The following NUP210 variants were observed in gnomAD, a reference collection of about 807,000 sequenced individuals.
NUP210 encodes nuclear pore membrane glycoprotein 210.
NUP210 carries 151 observed loss-of-function variants against 196.0 expected under a neutral mutation model. The observed-to-expected ratio is 0.77, with a 90% CI of 0.67 to 0.88. The LOEUF (loss-of-function observed/expected upper bound fraction) is 0.88, where lower values mean the gene tolerates loss of function less well. Ranked by LOEUF, NUP210 falls within the 40% of genes least tolerant of loss-of-function variation. The pLI, the probability that NUP210 is intolerant of heterozygous loss-of-function variation, is 0.00. For missense variants in NUP210, 2,314 were observed against 2,493.7 expected (o/e 0.93, Z 1.53); for synonymous variants, 1,070 against 1,052.7 (o/e 1.02, Z -0.32).
chr3:13,372,614 T>G (rs1698769985), intron 12 of NUP210, among the ~76,000 whole-genome samples: 1 of 152,168 alleles, frequency 6.6e-6, no homozygotes, highest in Admixed American at 6.5e-5. Context: ...GCTCATCAGA[T>G]GGACTGGTAG....
rs1559302402 is a variant in NUP210 at position 13,319,818 on chromosome 3, G to A, written c.5328C>T (p.Ala1776=). 1 of 1,614,238 alleles carries A rather than the reference G, an allele frequency of 6.2e-7. No individual in the cohort carries two copies. Among genetic ancestry groups the A allele is most frequent in the Middle Eastern group, 1.6e-4 (1 of 6,062 alleles). ...LTFSSPVTNQ[A]IAIPVTVAFV... ...AAGCCACTGTCACTGGGATGGCAAT[G>A]GCTTGGTTGGTCACGGGGCTGGAGA... Residue 1776 remains alanine, a synonymous_variant, in exon 37 of 40, where the codon GCC becomes GCT. Coordinates refer to ENST00000254508, the MANE Select transcript of NUP210 (RefSeq NM_024923.4).
In NUP210 at chr3:13,340,440, G is replaced by C; in HGVS notation, c.3229-142C>G. ...TCTGAGCAGTGACCAGAGGGCCCAG[G>C]GTCCTGGGCCAATGCTGGGGGCTGT... On this transcript the variant is annotated intron_variant, in intron 23 of 39. Transcript: ENST00000254508. This position sits in a 1 kb window ranked among gnomAD's most constrained non-coding sequence, Gnocchi z 4.0. 2 of 725,008 alleles carry C rather than the reference G, an allele frequency of 2.8e-6. No homozygotes were observed. Among genetic ancestry groups the C allele is most frequent in the Middle Eastern group, 2.4e-4 (1 of 4,204 alleles). The allele number at this position is 725,008 out of a possible 1,614,324, so 44.9% of individuals were successfully genotyped here.
Position 13,371,904 on chromosome 3 carries a change from G to C in NUP210, c.1716C>G (p.Thr572=), listed in dbSNP as rs1207691891. The C allele has an allele frequency of 6.2e-7, 1 of 1,610,038 alleles. No homozygotes were observed. Among genetic ancestry groups the C allele is most frequent in the South Asian group, 1.1e-5 (1 of 90,154 alleles). ...LMPGGASEVV[T]LSDCSHFDLA... The stretch of plus-strand genomic sequence containing the variant: ...AGTCAAAGTGGGAGCAGTCGCTCAA[G>C]GTGACCACCTCACTGGCCCCGCCGG... The change falls in exon 13 of 40, where the codon ACC becomes ACG. Residue 572 remains threonine, a synonymous_variant. Coordinates refer to ENST00000254508, the MANE Select transcript of NUP210 (RefSeq NM_024923.4).
chr3:13,415,945 T>A (rs1471074585), intron 1 of NUP210, among the ~76,000 whole-genome samples: 1 of 152,068 alleles, frequency 6.6e-6, no homozygotes, highest in South Asian at 2.1e-4. Flanking sequence ...ACCCAGGACA[T>A]CCACACGCAA....
chr3:13,321,560 C>A (rs1407636124), intron 36 of NUP210, 25 bp downstream of exon 36: 1 of 1,607,842 alleles, frequency 6.2e-7, no homozygotes, highest in South Asian at 1.1e-5. Context: ...TCCGGCCTGG[C>A]CTGAGGCATG....
At chr3:13,415,247 G>T (rs1211229823) in intron 1 of NUP210, among the ~76,000 whole-genome samples, 5 of 152,186 alleles carry the variant, frequency 3.3e-5, no homozygotes, top group African/African-American at 1.2e-4. Context: ...AAGAGTCACA[G>T]ACATTTGTCA....
chr3:13,347,332 C>T lies in NUP210; in HGVS notation c.2836-4029G>A. ...TGTAAAGTGCCCAGCAGGCTCCTTC[C>T]CCTGCTCTGGTCATCTCATGGGTTC... On this transcript the variant is annotated intron_variant, in intron 20 of 39. Coordinates refer to ENST00000254508, the MANE Select transcript of NUP210 (RefSeq NM_024923.4). The surrounding 1 kb of genome is among the most constrained non-coding windows in gnomAD (Gnocchi z 4.7). The T allele has an allele frequency of 1.0e-6, 1 of 985,258 alleles. No individual in the cohort carries two copies. Among genetic ancestry groups the T allele is most frequent in the Non-Finnish European group, 1.2e-6 (1 of 829,780 alleles). 61.0% of individuals were successfully genotyped at this position (985,258 alleles called of 1,614,324 possible).
chr3:13,329,947 C>T (rs1696928567), intron 30 of NUP210, among the ~76,000 whole-genome samples: 1 of 152,228 alleles, frequency 6.6e-6, no homozygotes, highest in South Asian at 2.1e-4. Context: ...GCCTCAGTCT[C>T]CTTGTCTGGA....
At chr3:13,403,477 T>C (rs1234116954) in intron 1 of NUP210, among the ~76,000 whole-genome samples, 2 of 152,138 alleles carry the variant, frequency 1.3e-5, no homozygotes, top group African/African-American at 2.4e-5. Context: ...TGCCATCGCC[T>C]TGGGGATCCT....
At chr3:13,384,392 T>A (rs1302367891) in intron 6 of NUP210, among the ~76,000 whole-genome samples, 2 of 152,216 alleles carry the variant, frequency 1.3e-5, no homozygotes, top group Non-Finnish European at 2.9e-5. Context: ...AGGTCTTCTA[T>A]GCCTCAGTTT....
At chr3:13,404,477 TTTC>T (rs1389272077) in intron 1 of NUP210, among the ~76,000 whole-genome samples, 1 of 152,260 alleles carries the variant, frequency 6.6e-6, no homozygotes, top group Non-Finnish European at 1.5e-5. Flanking sequence ...TACATTATTA[TTTC>T]TTTTCTGTGT....
In NUP210 at chr3:13,317,666, G is replaced by A. The variant is rs1401727230; in HGVS notation, c.*15C>T. On this transcript the variant is annotated 3_prime_UTR_variant, in exon 40 of 40. Coordinates refer to ENST00000254508, the MANE Select transcript of NUP210 (RefSeq NM_024923.4). ...GGCTCGGCTGAGACCCATCCTCCGGGAACCTTCACGCGGCCTAGTGGGAGG... is the reference window on the plus strand; with the variant it reads ...GGCTCGGCTGAGACCCATCCTCCGGAAACCTTCACGCGGCCTAGTGGGAGG... 1.3e-6 allele frequency: 2 copies of A among 1,580,148 alleles called. No homozygotes were observed. Among genetic ancestry groups the A allele is most frequent in the Non-Finnish European group, 8.6e-7 (1 of 1,157,362 alleles).
intron 3 of NUP210, among the ~76,000 whole-genome samples, chr3:13,394,974 A>G (rs1262856014): frequency 6.6e-6 from 1 of 152,176 alleles, no homozygotes; most frequent in Admixed American, 6.5e-5. Flanking sequence ...ACAGTGGGCG[A>G]GGAGGGAAGT....
At chr3:13,353,704 C>T (rs749249594) in intron 17 of NUP210, 44 bp from the exon 18 acceptor site, 13 of 1,536,974 alleles carry the variant, frequency 8.5e-6, no homozygotes, top group Non-Finnish European at 1.2e-5. Flanking sequence ...GTCTGCCCAT[C>T]ACCACCCCTG....
chr3:13,370,348 T>G (rs914513237), intron 13 of NUP210, among the ~76,000 whole-genome samples: 1 of 152,164 alleles, frequency 6.6e-6, no homozygotes, highest in Non-Finnish European at 1.5e-5. Context: ...GATATTCACT[T>G]GTAACCATCA....
rs747918389 is a variant in NUP210 at position 13,321,828 on chromosome 3, G to C, written c.4923C>G (p.Tyr1641Ter). ...GCCTGTGCATTGTGATTGAGCAGAA[G>C]TACTGGCCTGCGAAGACAAGGGTGT... The part of the protein sequence containing the change: ...EPQFDTALGQ[Y>*]FCSITMHRLT... The change falls in exon 36 of 40, where the codon TAC becomes TAG. Residue 1641 changes from tyrosine to a stop codon, truncating the protein, a stop_gained. Coordinates refer to ENST00000254508, the MANE Select transcript of NUP210 (RefSeq NM_024923.4). LOFTEE classifies it high-confidence loss of function. 3 of 1,604,674 alleles carry C rather than the reference G, an allele frequency of 1.9e-6. No individual in the cohort carries two copies. In the South Asian group the frequency reaches 3.3e-5, roughly 18 times the overall value.
intron 29 of NUP210, among the ~76,000 whole-genome samples, chr3:13,331,863 C>G (rs1051046436): frequency 6.6e-6 from 1 of 152,106 alleles, no homozygotes. Context: ...GCGGCCCCCT[C>G]GCCTGGGGAT....
intron 20 of NUP210, among the ~76,000 whole-genome samples, chr3:13,343,966 C>T (rs1697624279): frequency 6.6e-6 from 1 of 152,218 alleles, no homozygotes; most frequent in South Asian, 2.1e-4. Flanking sequence ...CAGTGACTGC[C>T]AAGGTGTTGT....
chr3:13,406,171 G>A (rs1445144261), intron 1 of NUP210, among the ~76,000 whole-genome samples: 1 of 152,210 alleles, frequency 6.6e-6, no homozygotes. Context: ...GCACACCTCG[G>A]GGAAGTGTGG....
Sources: gnomAD v4.1 joint callset for allele counts (sites outside exome capture counted in the v4.1 genomes callset) on GRCh38, gnomAD v4.1.1 for gene constraint, Gnocchi (gnomAD v3.1) non-coding constraint, MANE v1.5 for transcripts, NCBI Gene and HGNC (gene_info 2026-07-23, HGNC 2026-07-21) for gene names.